Variants in ZNF608 observed in about 807,000 individuals in gnomAD.
The protein encoded by ZNF608 is renal carcinoma antigen NY-REN-36.
In ZNF608, 12 loss-of-function variants were observed where a neutral mutation model predicts 109.0. The ratio of observed to expected loss-of-function variants is 0.11; its 90% CI spans 0.07 to 0.18. ZNF608 has a LOEUF of 0.18. Among genes scored for constraint, ZNF608 ranks in the 10% least tolerant of loss-of-function variants. The probability of loss-of-function intolerance (pLI) is 1.00; values close to 1 mark genes in which losing one functional copy is unlikely to be tolerated. For synonymous variants in ZNF608, 732 were observed against 717.4 expected (o/e 1.02, Z -0.33); for missense variants, 1,707 against 1,879.3 (o/e 0.91, Z 1.70).
In ZNF608 at chr5:124,714,907, A is replaced by G. The variant is rs187230782; in HGVS notation, c.907-13638T>C. Among the ~76,000 whole-genome samples the G allele has an allele frequency of 8.7e-4, 133 of 152,344 alleles. 2 individuals carry two copies. The East Asian group carries it at 0.019, about 21-fold the overall frequency. Reference sequence around the variant, plus strand: ...TATAATTGAATATTTAAGGTTCTTTAGAACCAACTACATAGTAAGATTTTA... The same window carrying G: ...TATAATTGAATATTTAAGGTTCTTTGGAACCAACTACATAGTAAGATTTTA... On this transcript the variant is annotated intron_variant, in intron 2 of 9. Transcript: ENST00000513986.
intron 3 of ZNF608, among the ~76,000 whole-genome samples, chr5:124,659,725 T>TA (rs1247566782): frequency 3.3e-5 from 5 of 152,172 alleles, no homozygotes; most frequent in African/African-American, 1.2e-4. Flanking sequence ...ATATGTGTAA[T>TA]ACAACTACAG....
At chr5:124,705,065 T>A (rs535186208) in intron 2 of ZNF608, among the ~76,000 whole-genome samples, 1 of 152,302 alleles carries the variant, frequency 6.6e-6, no homozygotes, top group African/African-American at 2.4e-5. Flanking sequence ...AAACGTGAAG[T>A]CACATGTATC....
At chr5:124,653,343 G>C (rs1750872216) in intron 3 of ZNF608, among the ~76,000 whole-genome samples, 4 of 152,208 alleles carry the variant, frequency 2.6e-5, no homozygotes, top group Non-Finnish European at 5.9e-5. Context: ...ATTTCAGTCA[G>C]TGTTCTGTTA....
At chr5:124,740,789 C>T (rs73298979) in intron 2 of ZNF608, among the ~76,000 whole-genome samples, 5,159 of 152,268 alleles carry the variant, frequency 0.034, 199 homozygotes, top group East Asian at 0.11. Flanking sequence ...CCTCTTGTGC[C>T]TTTCACTTCT....
chr5:124,642,948 C>T (rs761509442), intron 7 of ZNF608, among the ~76,000 whole-genome samples: 1 of 152,144 alleles, frequency 6.6e-6, no homozygotes, highest in East Asian at 1.9e-4. Context: ...CTGCCCGCCT[C>T]GGCCTCCCAA....
At position 124,701,133 on chromosome 5, in the gene ZNF608, C is replaced by T. The variant is rs1561569997; in HGVS notation, c.1043G>A (p.Arg348His). Reference protein sequence around the residue: ...APVEQLLVRTRSVGVNTCEVG... With the variant: ...APVEQLLVRTHSVGVNTCEVG... ...TTCACATGTATTGACACCCACAGAA[C>T]GAGTCCGAACCAAAAGCTGTTCAAC... The change falls in exon 3 of 10, where the codon CGT becomes CAT. Residue 348 changes from arginine (R) to histidine (H), a missense_variant. Around this residue, in one of 7 missense-constraint regions of ZNF608, gnomAD observed 407 missense variants for 398.7 expected, o/e 1.02. Coordinates refer to ENST00000513986, the MANE Select transcript of ZNF608 (RefSeq NM_020747.3). The T allele has an allele frequency of 7.4e-6, 12 of 1,614,004 alleles. No individual in the cohort carries two copies. The highest frequency in any genetic ancestry group is 2.7e-5 in the African/African-American group (2 of 74,916).
intron 3 of ZNF608, among the ~76,000 whole-genome samples, chr5:124,693,226 G>A (rs190269663): frequency 1.1e-4 from 17 of 152,226 alleles, no homozygotes; most frequent in Admixed American, 5.9e-4. Flanking sequence ...TTAATCAAAT[G>A]CCTACCTATG....
chr5:124,705,308 T>C (rs1753214998), intron 2 of ZNF608, among the ~76,000 whole-genome samples: 2 of 152,124 alleles, frequency 1.3e-5, no homozygotes, highest in Non-Finnish European at 2.9e-5. Context: ...CAGACAGAAT[T>C]GGGTTCAAAT....
intron 2 of ZNF608, among the ~76,000 whole-genome samples, chr5:124,740,296 A>G (rs746259375): frequency 5.9e-5 from 9 of 152,162 alleles, no homozygotes; most frequent in Non-Finnish European, 1.2e-4. Context: ...GAGGAGGCCT[A>G]TAGAAAAGTA....
chr5:124,678,793 C>T (rs1752072337), intron 3 of ZNF608, among the ~76,000 whole-genome samples: 1 of 152,186 alleles, frequency 6.6e-6, no homozygotes, highest in Admixed American at 6.5e-5. Flanking sequence ...AGTGCTCCTT[C>T]CTGTGGGCTG....
At chr5:124,706,234 C>T (rs1753255770) in intron 2 of ZNF608, among the ~76,000 whole-genome samples, 1 of 152,184 alleles carries the variant, frequency 6.6e-6, no homozygotes, top group African/African-American at 2.4e-5. Flanking sequence ...TTTGATCGCT[C>T]TGGGGAATCA....
intron 2 of ZNF608, among the ~76,000 whole-genome samples, chr5:124,726,996 C>T (rs986287584): frequency 2.0e-5 from 3 of 152,206 alleles, no homozygotes; most frequent in African/African-American, 7.2e-5. Context: ...TCTTTCTCTC[C>T]CATCTCAAGC....
At chr5:124,710,905 T>A (rs572306780) in intron 2 of ZNF608, among the ~76,000 whole-genome samples, 117 of 152,316 alleles carry the variant, frequency 7.7e-4, no homozygotes, top group Admixed American at 3.1e-3. Flanking sequence ...TACATATCTA[T>A]TGTCAAGGAC....
At chr5:124,699,983 C>T (rs1752987763) in intron 3 of ZNF608, among the ~76,000 whole-genome samples, 1 of 145,062 alleles carries the variant, frequency 6.9e-6, no homozygotes, top group Non-Finnish European at 1.5e-5. Flanking sequence ...AGTCTCAGAC[C>T]CTTCTTGTTA....
Position 124,648,972 on chromosome 5 carries a change from C to T in ZNF608, c.1412G>A (p.Arg471Gln), listed in dbSNP as rs768101123. The change falls in exon 5 of 10, where the codon CGG becomes CAG. Residue 471 changes from arginine to glutamine, a missense_variant. Transcript: ENST00000513986. ...NRGGANGKGR[R>Q]GSLNASGRRT... is the part of the protein sequence containing the mutation. ...TCGTCCGCTGGCATTGAGGCTGCCCCGCCTCCCTTTCCCATTGGCCCCCCC... is the reference window on the plus strand; with the variant it reads ...TCGTCCGCTGGCATTGAGGCTGCCCTGCCTCCCTTTCCCATTGGCCCCCCC... The T allele has an allele frequency of 3.1e-6, 5 of 1,614,080 alleles. No individual in the cohort carries two copies. Among genetic ancestry groups the T allele is most frequent in the East Asian group, 2.2e-5 (1 of 44,880 alleles).
At chr5:124,651,510 T>C (rs909436781) in intron 3 of ZNF608, among the ~76,000 whole-genome samples, 4 of 152,242 alleles carry the variant, frequency 2.6e-5, no homozygotes, top group Non-Finnish European at 5.9e-5. Flanking sequence ...TTAGATCCAA[T>C]AGGCTGAATC....
chr5:124,710,343 T>C lies in ZNF608; in HGVS notation c.907-9074A>G, dbSNP rs530578506. ...CTCACTTGCAACCACCTAAAAGGAG[T>C]ATTTTCAACTAAAATTTTACACATT... is the stretch of plus-strand genomic sequence containing the variant. On this transcript the variant is annotated intron_variant, in intron 2 of 9. Transcript: ENST00000513986. 5 of 382,566 alleles carry C rather than the reference T, an allele frequency of 1.3e-5. No individual in the cohort carries two copies. The East Asian group carries it at 3.6e-4, about 28-fold the overall frequency. 23.7% of individuals were successfully genotyped at this position (382,566 alleles called of 1,614,324 possible). A position where few individuals can be genotyped will look rare whatever the true frequency, so the allele number is the denominator to read the frequency against.
intron 2 of ZNF608, among the ~76,000 whole-genome samples, chr5:124,733,217 C>CTTTTTTT (rs67421322): frequency 2.1e-4 from 25 of 117,590 alleles, no homozygotes; most frequent in Non-Finnish European, 2.7e-4. Context: ...ATCTCTCTCT[C>CTTTTTTT]TTTTTTTTTT....
intron 3 of ZNF608, among the ~76,000 whole-genome samples, chr5:124,676,751 CA>C (rs1157154192): frequency 1.3e-5 from 2 of 152,150 alleles, no homozygotes; most frequent in African/African-American, 4.8e-5. Context: ...GCAGCATTAA[CA>C]GTGAACTCAT....
Sources: gnomAD v4.1 joint callset for allele counts (sites outside exome capture counted in the v4.1 genomes callset) on GRCh38, gnomAD v4.1.1 for gene constraint, gnomAD v4.1.1 regional missense constraint, MANE v1.5 for transcripts, NCBI Gene and HGNC (gene_info 2026-07-23, HGNC 2026-07-21) for gene names.